The following PCBD2 variants were observed in gnomAD, a reference collection of about 807,000 sequenced individuals.
PCBD2 encodes pterin-4-alpha-carbinolamine dehydratase 2.
In PCBD2, 12 loss-of-function variants were observed where a neutral mutation model predicts 16.4. The ratio of observed to expected loss-of-function variants is 0.73; its 90% confidence interval spans 0.47 to 1.19. The LOEUF is 1.19. PCBD2 is among the 50% of genes most tolerant of loss of function. The pLI is 0.00. For synonymous variants in PCBD2, 58 were observed against 61.8 expected (o/e 0.94, Z 0.29); for missense variants, 138 against 156.8 (o/e 0.88, Z 0.64).
At chr5:134,953,492 A>C (rs1429183329) in intron 2 of PCBD2, among the ~76,000 whole-genome samples, 1 of 151,856 alleles carries the variant, frequency 6.6e-6, no homozygotes, top group Non-Finnish European at 1.5e-5. Context: ...TTTTACATAG[A>C]AAATATAGTC....
intron 2 of PCBD2, chr5:134,925,701 A>G: frequency 2.5e-6 from 1 of 397,052 alleles, no homozygotes; most frequent in Non-Finnish European, 4.4e-6. Context: ...CTCCTGCTAC[A>G]ACTATAGTGC....
intron 2 of PCBD2, among the ~76,000 whole-genome samples, chr5:134,947,915 A>G (rs918860023): frequency 1.3e-5 from 2 of 151,968 alleles, no homozygotes; most frequent in Non-Finnish European, 2.9e-5. Flanking sequence ...CTCACCTCAT[A>G]AGACTCTGAA....
intron 2 of PCBD2, chr5:134,923,735 G>A: frequency 5.1e-6 from 2 of 390,424 alleles, no homozygotes; most frequent in Non-Finnish European, 9.1e-6. Context: ...AAAGAAATGA[G>A]CCGTAATATA....
chr5:134,910,306 TTCAGATATGAAATGTGTTC>T lies in PCBD2; in HGVS notation c.85-26_85-8del, dbSNP rs771556837. The T allele has an allele frequency of 1.1e-5, 17 of 1,603,818 alleles. No individual in the cohort carries two copies. In the South Asian group the frequency reaches 1.9e-4, roughly 18 times the overall value. The stretch of plus-strand genomic sequence containing the variant: ...TTGAGTTTGAGTAAACTTGTACATT[TTCAGATATGAAATGTGTTC>T]TCTTCATAGTCATCAGGTACTCACA... On this transcript the variant is annotated splice_polypyrimidine_tract_variant and intron_variant, in intron 1 of 3. Coordinates refer to ENST00000254908, the MANE Select transcript of PCBD2 (RefSeq NM_032151.5).
chr5:134,938,957 CTT>C (rs1751193143), intron 2 of PCBD2, among the ~76,000 whole-genome samples: 1 of 152,120 alleles, frequency 6.6e-6, no homozygotes, highest in Non-Finnish European at 1.5e-5. Context: ...AATCCAAAGA[CTT>C]TACTTAAATG....
intron 2 of PCBD2, chr5:134,925,468 G>A (rs1410978795): frequency 5.0e-6 from 2 of 398,434 alleles, no homozygotes; most frequent in Admixed American, 4.4e-5. Flanking sequence ...GAAGGCGTGG[G>A]TACAGATGTG....
intron 2 of PCBD2, among the ~76,000 whole-genome samples, chr5:134,938,426 G>A (rs936641532): frequency 2.0e-5 from 3 of 152,154 alleles, no homozygotes; most frequent in Non-Finnish European, 4.4e-5. Flanking sequence ...AAATGATGTG[G>A]GTATTGATGG....
chr5:134,931,937 A>G (rs1370235770), intron 2 of PCBD2, among the ~76,000 whole-genome samples: 2 of 152,232 alleles, frequency 1.3e-5, no homozygotes, highest in Non-Finnish European at 2.9e-5. Context: ...GCATTAGTTT[A>G]TAATACTGGA....
intron 2 of PCBD2, among the ~76,000 whole-genome samples, chr5:134,939,115 C>A (rs1751194566): frequency 6.6e-6 from 1 of 152,024 alleles, no homozygotes; most frequent in Non-Finnish European, 1.5e-5. Flanking sequence ...ACTATACTTA[C>A]TATTTAAAGG....
rs140182480 is a variant in PCBD2, at chr5:134,912,904, T to C, written c.216+2438T>C. On this transcript the variant is annotated intron_variant, in intron 2 of 3. Transcript: ENST00000254908. The stretch of plus-strand genomic sequence containing the variant: ...GATGGGTCCTCATTCATCTTTCATT[T>C]AGGACAGAAAAGCCATTGTTTTTTA... Among the ~76,000 whole-genome samples, 528 of 152,304 alleles carry C rather than the reference T, an allele frequency of 3.5e-3. 2 individuals are homozygous for C. The highest frequency in any genetic ancestry group is 0.012 in the African/African-American group (504 of 41,566).
At chr5:134,931,143 C>A (rs1244955719) in intron 2 of PCBD2, among the ~76,000 whole-genome samples, 1 of 152,154 alleles carries the variant, frequency 6.6e-6, no homozygotes, top group Non-Finnish European at 1.5e-5. Context: ...TGGTCTCGAT[C>A]TCCTGACCTC....
intron 2 of PCBD2, among the ~76,000 whole-genome samples, chr5:134,915,268 TC>T (rs1008540578): frequency 6.6e-6 from 1 of 150,494 alleles, no homozygotes; most frequent in Non-Finnish European, 1.5e-5. Flanking sequence ...TGAGCCGAGA[TC>T]ACACCATTTC....
intron 2 of PCBD2, among the ~76,000 whole-genome samples, chr5:134,917,866 T>C (rs1191934959): frequency 6.6e-6 from 1 of 152,018 alleles, no homozygotes; most frequent in Non-Finnish European, 1.5e-5. Flanking sequence ...CAGTTCAAAG[T>C]TACTTTTGCT....
chr5:134,909,139 TAAC>T (rs1231976173), intron 1 of PCBD2: 1 of 152,284 alleles, frequency 6.6e-6, no homozygotes, highest in African/African-American at 2.4e-5. Context: ...GTGGGCCTGT[TAAC>T]CAACAGAACC....
chr5:134,905,147 C>G lies in PCBD2; in HGVS notation c.8C>G (p.Ala3Gly). 8.2e-7 allele frequency: 1 copy of G among 1,219,374 alleles called. No homozygotes were observed. The highest frequency in any genetic ancestry group is 1.6e-5 in the African/African-American group (1 of 63,830). The allele number at this position is 1,219,374 out of a possible 1,614,324, so 75.5% of individuals were successfully genotyped here. A position where few individuals can be genotyped will look rare whatever the true frequency, so the allele number is the denominator to read the frequency against. ...GCCCTCGGCAGACGGCCAATGGCGG[C>G]GGTGCTCGGGGCGCTCGGGGCGACG... is the stretch of plus-strand genomic sequence containing the variant. MA[A>G]VLGALGATRR... Residue 3 changes from alanine to glycine, a missense_variant, in exon 1 of 4, where the codon GCG (alanine) becomes GGG (glycine). By Grantham distance (60) the Ala-to-Gly change is moderately conservative. Coordinates refer to ENST00000254908, the MANE Select transcript of PCBD2 (RefSeq NM_032151.5).
intron 2 of PCBD2, among the ~76,000 whole-genome samples, chr5:134,917,730 G>C (rs554583126): frequency 6.6e-6 from 1 of 152,330 alleles, no homozygotes; most frequent in South Asian, 2.1e-4. Flanking sequence ...GAGGGAGGAG[G>C]AGTTCTCTGG....
Position 134,960,696 on chromosome 5 carries a change from C to T in PCBD2, c.*15C>T. 1.3e-6 allele frequency: 2 copies of T among 1,572,096 alleles called. No individual in the cohort carries two copies. Among genetic ancestry groups the T allele is most frequent in the Non-Finnish European group, 1.7e-6 (2 of 1,143,300 alleles). ...CTTCTGTGTGATTTCTTCCAAAATA[C>T]ATGTAAAATCTTGTACACATCTTAG... On this transcript the variant is annotated 3_prime_UTR_variant, in exon 4 of 4. Coordinates refer to ENST00000254908, the MANE Select transcript of PCBD2 (RefSeq NM_032151.5).
At chr5:134,945,470 A>G (rs1751280922) in intron 2 of PCBD2, among the ~76,000 whole-genome samples, 1 of 152,356 alleles carries the variant, frequency 6.6e-6, no homozygotes, top group East Asian at 1.9e-4. Context: ...TATATAAAAA[A>G]AGCCAACCTC....
At chr5:134,910,507 A>G in intron 2 of PCBD2, 41 bp downstream of exon 2, 1 of 1,605,330 alleles carries the variant, frequency 6.2e-7, no homozygotes, top group East Asian at 2.2e-5. Flanking sequence ...GGTCTATTTT[A>G]GTCACCTTAG....
Sources: gnomAD v4.1 joint callset for allele counts (sites outside exome capture counted in the v4.1 genomes callset) on GRCh38, gnomAD v4.1.1 for gene constraint, MANE v1.5 for transcripts, NCBI Gene and HGNC (gene_info 2026-07-23, HGNC 2026-07-21) for gene names.